The following PCNX1 variants were observed in gnomAD, a reference collection of about 807,000 sequenced individuals.
PCNX1 encodes pecanex 1.
Under a neutral mutation model 242.2 loss-of-function variants are expected in PCNX1, and 78 were observed. The ratio of observed to expected loss-of-function variants is 0.32; its 90% CI spans 0.27 to 0.39. The LOEUF (loss-of-function observed/expected upper bound fraction) is 0.39. PCNX1 is among the 10% of genes least tolerant of loss of function. The pLI, the probability that PCNX1 is intolerant of heterozygous loss-of-function variation, is 1.00. For synonymous variants in PCNX1, 1,024 were observed against 1,032.9 expected, an observed-to-expected ratio of 0.99 and a Z score of 0.17; for missense variants, 2,581 against 2,856.5, an observed-to-expected ratio of 0.90 and a Z score of 2.20.
At chr14:70,988,761 G>C in intron 7 of PCNX1, 62 bp downstream of exon 7, 3 of 1,528,758 alleles carry the variant, frequency 2.0e-6, no homozygotes, top group East Asian at 2.3e-5. Flanking sequence ...AATCTGTTCC[G>C]CCAGTCCCAA....
At chr14:70,975,501 AT>A (rs2058664964) in intron 5 of PCNX1, among the ~76,000 whole-genome samples, 1 of 152,192 alleles carries the variant, frequency 6.6e-6, no homozygotes, top group Non-Finnish European at 1.5e-5. Flanking sequence ...TTACATAAAC[AT>A]TTTTAATAAC....
chr14:71,101,903 GT>G, intron 30 of PCNX1, 86 bp from the exon 31 acceptor site: 1 of 672,072 alleles, frequency 1.5e-6, no homozygotes, highest in South Asian at 2.5e-5. Context: ...TAATAAACCA[GT>G]TTTTAAGAAC....
At chr14:71,066,567 G>A (rs1012483064) in intron 26 of PCNX1, among the ~76,000 whole-genome samples, 2 of 152,172 alleles carry the variant, frequency 1.3e-5, no homozygotes, top group African/African-American at 4.8e-5. Context: ...GAGACAATTT[G>A]ACTTCCTCTC....
chr14:71,088,631 G>A lies in PCNX1; in HGVS notation c.5438+201G>A, dbSNP rs533141434. On this transcript the variant is annotated intron_variant, in intron 29 of 35. Transcript: ENST00000304743. ...CAGAACTGGTTTTTAAAATTCACAC[G>A]TGTGGGTAGCCACTGATAATGAGAA... 6.4e-4 allele frequency among the ~76,000 whole-genome samples: 98 copies of A among 152,248 alleles called. No homozygotes were observed. Among genetic ancestry groups the A allele is most frequent in the Non-Finnish European group, 1.2e-3 (84 of 68,028 alleles).
At chr14:70,955,450 A>C (rs1273156851) in intron 2 of PCNX1, among the ~76,000 whole-genome samples, 2 of 152,242 alleles carry the variant, frequency 1.3e-5, no homozygotes, top group African/African-American at 4.8e-5. Flanking sequence ...TTCTGATCAA[A>C]GCCTGAGAGC....
At position 71,048,009 on chromosome 14, in the gene PCNX1, C is replaced by T. The variant is rs776433540; in HGVS notation, c.4338+25C>T. Reference sequence around the variant, plus strand: ...GGTAATTTATCACTGAAAGGAATATCCTTATCTATAAAAACTATCTCCCTG... The same window carrying T: ...GGTAATTTATCACTGAAAGGAATATTCTTATCTATAAAAACTATCTCCCTG... On this transcript the variant is annotated intron_variant, in intron 22 of 35. Transcript: ENST00000304743. 1.4e-5 allele frequency: 21 copies of T among 1,547,572 alleles called. No homozygotes were observed. In the South Asian group the frequency reaches 2.3e-4, roughly 17 times the overall value.
chr14:70,994,589 C>T (rs565177258), intron 7 of PCNX1, among the ~76,000 whole-genome samples: 1 of 151,278 alleles, frequency 6.6e-6, no homozygotes, highest in Non-Finnish European at 1.5e-5. Context: ...TAAGGCCATT[C>T]TAAGTAGGAT....
chr14:70,913,911 A>G, intron 1 of PCNX1, among the ~76,000 whole-genome samples: 1 of 152,188 alleles, frequency 6.6e-6, no homozygotes, highest in East Asian at 1.9e-4. Flanking sequence ...GGGGAAGGTT[A>G]ATGACTAGTG....
intron 28 of PCNX1, among the ~76,000 whole-genome samples, chr14:71,087,610 T>C (rs1460388343): frequency 1.3e-5 from 2 of 152,182 alleles, no homozygotes; most frequent in African/African-American, 4.8e-5. Context: ...GGCCAGAGAT[T>C]TGCATTTCTA....
chr14:70,967,489 A>C (rs1450434915), intron 3 of PCNX1, among the ~76,000 whole-genome samples: 4 of 152,178 alleles, frequency 2.6e-5, no homozygotes, highest in Non-Finnish European at 5.9e-5. Flanking sequence ...ATTTATTTAT[A>C]TGATTTTCAT....
At chr14:70,908,992 A>C (rs2055705035) in intron 1 of PCNX1, among the ~76,000 whole-genome samples, 1 of 152,142 alleles carries the variant, frequency 6.6e-6, no homozygotes, top group Non-Finnish European at 1.5e-5. Context: ...AGAGGGGAGG[A>C]AAGGATCTGA....
intron 1 of PCNX1, among the ~76,000 whole-genome samples, chr14:70,938,818 G>A (rs984706319): frequency 1.3e-5 from 2 of 152,136 alleles, no homozygotes; most frequent in Admixed American, 6.6e-5. Flanking sequence ...CCTGCTATTG[G>A]TGTATTCAGG....
At position 71,039,946 on chromosome 14, in the gene PCNX1, CAT is replaced by C. The variant is rs2060657415; in HGVS notation, c.3867+3790_3867+3791del. On this transcript the variant is annotated intron_variant, in intron 19 of 35. Coordinates refer to ENST00000304743, the MANE Select transcript of PCNX1 (RefSeq NM_014982.3). ...GGGTATCCATGTTTCCATTTGGTGTCATTTTTCCTCCTGCTTGAAAGATTTCC... is the reference window on the plus strand; with the variant it reads ...GGGTATCCATGTTTCCATTTGGTGTCTTTTCCTCCTGCTTGAAAGATTTCC... Among the ~76,000 whole-genome samples, 5 of 152,188 alleles carry C rather than the reference CAT, an allele frequency of 3.3e-5. No individual in the cohort carries two copies. The South Asian group carries it at 1.0e-3, about 32-fold the overall frequency.
chr14:70,974,498 G>A (rs2058637090), intron 5 of PCNX1, among the ~76,000 whole-genome samples: 1 of 152,002 alleles, frequency 6.6e-6, no homozygotes, highest in South Asian at 2.1e-4. Flanking sequence ...TGTTTTTAGT[G>A]CCTGTATGAA....
At chr14:70,937,742 A>G (rs952031665) in intron 1 of PCNX1, among the ~76,000 whole-genome samples, 2 of 152,138 alleles carry the variant, frequency 1.3e-5, no homozygotes, top group South Asian at 2.1e-4. Context: ...CCATTTTCAC[A>G]ATATTGATTC....
At chr14:71,067,551 AC>A (rs1339798377) in intron 26 of PCNX1, among the ~76,000 whole-genome samples, 24 of 151,984 alleles carry the variant, frequency 1.6e-4, no homozygotes, top group Admixed American at 1.6e-3. Context: ...TTTTCAAAAA[AC>A]CAGCTCCTAG....
At chr14:70,928,036 CAT>C (rs1324549374) in intron 1 of PCNX1, among the ~76,000 whole-genome samples, 1 of 151,946 alleles carries the variant, frequency 6.6e-6, no homozygotes, top group Non-Finnish European at 1.5e-5. Context: ...ACTTAATTCT[CAT>C]AGTTTGACTC....
chr14:70,974,753 G>A (rs1006668080), intron 5 of PCNX1, among the ~76,000 whole-genome samples: 1 of 151,780 alleles, frequency 6.6e-6, no homozygotes, highest in Non-Finnish European at 1.5e-5. Context: ...TGAGCAGTAT[G>A]TCTTTCTTAT....
intron 27 of PCNX1, among the ~76,000 whole-genome samples, chr14:71,074,138 A>C (rs954059126): frequency 3.3e-4 from 50 of 152,370 alleles, no homozygotes; most frequent in African/African-American, 1.2e-3. Context: ...CTATTTTACA[A>C]ATAAACAACT....
Sources: gnomAD v4.1 joint callset for allele counts (sites outside exome capture counted in the v4.1 genomes callset) on GRCh38, gnomAD v4.1.1 for gene constraint, MANE v1.5 for transcripts, NCBI Gene and HGNC (gene_info 2026-07-23, HGNC 2026-07-21) for gene names.